PELI2: variants seen among roughly 807,000 people sequenced by gnomAD.
PELI2 encodes the protein E3 ubiquitin-protein ligase pellino homolog 2.
PELI2 carries 23 observed loss-of-function variants against 42.3 expected under a neutral mutation model. The observed-to-expected ratio is 0.54, with a 90% CI of 0.39 to 0.77. The LOEUF (loss-of-function observed/expected upper bound fraction) is 0.77. PELI2 is among the 30% of genes least tolerant of loss of function. The probability of loss-of-function intolerance (pLI) is 0.00; values close to 1 mark genes in which losing one functional copy is unlikely to be tolerated. For missense variants in PELI2, 463 were observed against 553.2 expected, an observed-to-expected ratio of 0.84 and a Z score of 1.64; for synonymous variants, 245 against 212.2, an observed-to-expected ratio of 1.15 and a Z score of -1.34.
chr14:56,217,065 CCAAA>C (rs66911131), intron 2 of PELI2, among the ~76,000 whole-genome samples: 60,627 of 151,814 alleles, frequency 0.4, 12,934 homozygotes, highest in South Asian at 0.53. Context: ...GAAAGTGTTT[CCAAA>C]CAGACTGTTG....
chr14:56,159,322 G>A (rs544398855), intron 1 of PELI2, among the ~76,000 whole-genome samples: 27 of 152,344 alleles, frequency 1.8e-4, no homozygotes, highest in African/African-American at 6.3e-4. Context: ...CCTTGGCATG[G>A]CAGGCTAGCT....
chr14:56,268,514 C>A (rs765721380), intron 2 of PELI2, among the ~76,000 whole-genome samples: 12 of 152,102 alleles, frequency 7.9e-5, no homozygotes, highest in Non-Finnish European at 5.9e-5. Context: ...AGTAAGAAAT[C>A]CTATCATTAT....
At chr14:56,274,808 G>T (rs1014161956) in intron 2 of PELI2, among the ~76,000 whole-genome samples, 1 of 152,224 alleles carries the variant, frequency 6.6e-6, no homozygotes, top group African/African-American at 2.4e-5. Flanking sequence ...TCTGGTCTGG[G>T]CATCTGGGAT....
intron 2 of PELI2, among the ~76,000 whole-genome samples, chr14:56,247,525 G>T (rs556432613): frequency 6.6e-6 from 1 of 152,224 alleles, no homozygotes; most frequent in South Asian, 2.1e-4. Context: ...GTTACATTTG[G>T]CCTGTTTTTA....
chr14:56,233,954 A>T (rs535876408), intron 2 of PELI2, among the ~76,000 whole-genome samples: 2 of 152,250 alleles, frequency 1.3e-5, no homozygotes. Context: ...ATGAACAGAT[A>T]CTTCTCAAAA....
Position 56,296,745 on chromosome 14 carries a change from G to A in PELI2, c.842G>A (p.Arg281Gln). The A allele has an allele frequency of 1.2e-6, 2 of 1,614,064 alleles. No individual in the cohort carries two copies. Among genetic ancestry groups the A allele is most frequent in the Non-Finnish European group, 8.5e-7 (1 of 1,180,012 alleles). Residue 281 changes from arginine (R) to glutamine (Q), a missense_variant, in exon 6 of 6, where the codon CGG becomes CAG. Transcript: ENST00000267460. ...EALRQEINAARPQCPVGLNTL... is the reference protein window; with the variant it reads ...EALRQEINAAQPQCPVGLNTL... ...CTCCGGCAGGAGATTAACGCCGCCC[G>A]GCCTCAGTGTCCTGTGGGGCTCAAC...
At chr14:56,172,177 G>T (rs1437021604) in intron 1 of PELI2, among the ~76,000 whole-genome samples, 1 of 152,126 alleles carries the variant, frequency 6.6e-6, no homozygotes, top group South Asian at 2.1e-4. Flanking sequence ...AGGAGTTTGG[G>T]CAGTTCTGCC....
chr14:56,278,898 T>G (rs1218464960), intron 2 of PELI2, among the ~76,000 whole-genome samples: 2 of 152,210 alleles, frequency 1.3e-5, no homozygotes, highest in African/African-American at 4.8e-5. Context: ...TGAAATAATT[T>G]GGAGTCCACT....
intron 2 of PELI2, among the ~76,000 whole-genome samples, chr14:56,186,200 T>C (rs1457055709): frequency 6.6e-6 from 1 of 152,140 alleles, no homozygotes; most frequent in Non-Finnish European, 1.5e-5. Context: ...AAGAGGGGAC[T>C]ATGAGCCAAG....
chr14:56,125,580 TTGAG>T (rs1883226914), intron 1 of PELI2, among the ~76,000 whole-genome samples: 2 of 152,156 alleles, frequency 1.3e-5, no homozygotes, highest in Admixed American at 1.3e-4. Flanking sequence ...TTAAGCCACC[TTGAG>T]TGGGTTCTGC....
intron 1 of PELI2, among the ~76,000 whole-genome samples, chr14:56,133,773 GA>G (rs1470075738): frequency 9.2e-5 from 14 of 152,136 alleles, no homozygotes; most frequent in African/African-American, 3.4e-4. Context: ...GATCTCTAGT[GA>G]GCTTTCTGTG....
At chr14:56,283,106 A>G (rs751542979) in intron 3 of PELI2, among the ~76,000 whole-genome samples, 1 of 152,300 alleles carries the variant, frequency 6.6e-6, no homozygotes, top group African/African-American at 2.4e-5. Flanking sequence ...TCAGAGTTTC[A>G]TAGATATTCT....
chr14:56,157,994 T>A lies in PELI2; in HGVS notation c.78-20341T>A, dbSNP rs145156860. 2.8e-3 allele frequency among the ~76,000 whole-genome samples: 432 copies of A among 152,304 alleles called. 2 individuals are homozygous for A. The highest frequency in any genetic ancestry group is 9.9e-3 in the African/African-American group (412 of 41,554). ...TTAGATGATAGGGCCAATGTTACTA[T>A]GTTACTGTTTCATTTATAGGTAGCC... On this transcript the variant is annotated intron_variant, in intron 1 of 5. Coordinates refer to ENST00000267460, the MANE Select transcript of PELI2 (RefSeq NM_021255.3).
intron 2 of PELI2, among the ~76,000 whole-genome samples, chr14:56,234,250 G>A (rs1016267293): frequency 6.6e-6 from 1 of 152,060 alleles, no homozygotes; most frequent in Non-Finnish European, 1.5e-5. Flanking sequence ...CCCATTACTG[G>A]GTATATACCC....
intron 1 of PELI2, among the ~76,000 whole-genome samples, chr14:56,123,684 C>T (rs1468704820): frequency 6.6e-6 from 1 of 152,158 alleles, no homozygotes; most frequent in Non-Finnish European, 1.5e-5. Context: ...GGTTGTGTTT[C>T]ATCCTGTGAT....
intron 1 of PELI2, among the ~76,000 whole-genome samples, chr14:56,134,748 T>C (rs1883624841): frequency 1.3e-5 from 2 of 152,016 alleles, no homozygotes; most frequent in Admixed American, 1.3e-4. Flanking sequence ...AAAATCATTA[T>C]GAGGAACCAG....
At chr14:56,230,357 C>T (rs908803249) in intron 2 of PELI2, among the ~76,000 whole-genome samples, 2 of 152,148 alleles carry the variant, frequency 1.3e-5, no homozygotes, top group African/African-American at 2.4e-5. Flanking sequence ...AGAGAAAGGT[C>T]GGGTTACCCA....
intron 1 of PELI2, among the ~76,000 whole-genome samples, chr14:56,159,308 T>A (rs1372882950): frequency 6.6e-6 from 1 of 152,228 alleles, no homozygotes; most frequent in African/African-American, 2.4e-5. Flanking sequence ...GTGTCTCTCA[T>A]TCTCCTTGGC....
intron 1 of PELI2, 46 bp from the exon 2 acceptor site, chr14:56,178,289 C>T (rs1385410556): frequency 6.2e-7 from 1 of 1,602,886 alleles, no homozygotes; most frequent in African/African-American, 1.3e-5. Context: ...ATGTTTAAAG[C>T]TTGAAAAATC....
Sources: allele counts gnomAD v4.1 joint callset (sites outside exome capture counted in the v4.1 genomes callset), GRCh38; gene constraint gnomAD v4.1.1; transcripts MANE v1.5; gene names NCBI Gene and HGNC (gene_info 2026-07-23, HGNC 2026-07-21).